NPIPA5: variants seen among roughly 807,000 people sequenced by gnomAD.
The protein encoded by NPIPA5 is nuclear pore complex-interacting protein family member A5.
In NPIPA5, 6 loss-of-function variants were observed where a neutral mutation model predicts 21.4. The observed-to-expected ratio is 0.28, with a 90% CI of 0.15 to 0.55. The LOEUF (loss-of-function observed/expected upper bound fraction) is 0.55. NPIPA5 is among the 20% of genes least tolerant of loss of function. The pLI, the probability that NPIPA5 is intolerant of heterozygous loss-of-function variation, is 0.93. For synonymous variants in NPIPA5, 33 were observed against 115.3 expected, an observed-to-expected ratio of 0.29 and a Z score of 4.57; for missense variants, 99 against 318.2, an observed-to-expected ratio of 0.31 and a Z score of 5.24.
chr16:15,373,907 G>C (rs1598401448), intron 1 of NPIPA5, 64 bp from the exon 2 acceptor site: 2 of 75,518 alleles, frequency 2.6e-5, no homozygotes, highest in East Asian at 7.7e-4. Context: ...CACTCAGAAA[G>C]AATCATCCTT....
Position 15,363,864 on chromosome 16 carries a change from T to C in NPIPA5, c.848A>G (p.Lys283Arg). The C allele has an allele frequency of 6.2e-7, 1 of 1,602,608 alleles. No individual in the cohort carries two copies. The highest frequency in any genetic ancestry group is 1.3e-5 in the African/African-American group (1 of 74,728). ...AGTGAGCAGACACTCGGGAGGTGTC[T>C]TGAGATTATCATCCGCTGAGGGTGG... ...PLPPSADDNL[K>R]TPPECLLTPL... is the part of the protein sequence containing the mutation. Residue 283 changes from lysine (K) to arginine (R), a missense_variant, in exon 8 of 8, where the codon AAG becomes AGG. Lys to Arg is a conservative substitution (Grantham distance 26). Coordinates refer to ENST00000360151, the MANE Select transcript of NPIPA5 (RefSeq NM_001277325.2).
chr16:15,376,180 A>G (rs1024853770), intron 1 of NPIPA5, among the ~76,000 whole-genome samples: 2 of 150,768 alleles, frequency 1.3e-5, no homozygotes, highest in African/African-American at 4.8e-5. Context: ...CTAACCTATG[A>G]TAAGAAAGAG....
At chr16:15,372,627 A>G (rs923673789) in intron 2 of NPIPA5, among the ~76,000 whole-genome samples, 2 of 145,938 alleles carry the variant, frequency 1.4e-5, no homozygotes, top group Non-Finnish European at 3.0e-5. Flanking sequence ...ATATCTTGAA[A>G]GGCAGTGCCA....
At chr16:15,376,996 C>A (rs2050315417) in intron 1 of NPIPA5, among the ~76,000 whole-genome samples, 1 of 151,942 alleles carries the variant, frequency 6.6e-6, no homozygotes, top group South Asian at 2.1e-4. Context: ...ACAAAAAAGT[C>A]ATCAAACCAG....
At chr16:15,372,196 A>C (rs1274301536) in intron 2 of NPIPA5, among the ~76,000 whole-genome samples, 1 of 147,384 alleles carries the variant, frequency 6.8e-6, no homozygotes, top group Non-Finnish European at 1.5e-5. Context: ...AAATTTAAAA[A>C]CTTCCCCTGG....
upstream of NPIPA5, among the ~76,000 whole-genome samples, chr16:15,380,327 ATT>A (rs201469564): frequency 5.0e-5 from 7 of 140,654 alleles, no homozygotes; most frequent in Admixed American, 7.2e-5. Context: ...TTGCAGGATA[ATT>A]TTTTTTTTTT....
chr16:15,375,787 G>A (rs1429102188), intron 1 of NPIPA5, among the ~76,000 whole-genome samples: 2 of 150,838 alleles, frequency 1.3e-5, no homozygotes, highest in Non-Finnish European at 3.0e-5. Context: ...CATGAAAATG[G>A]CATGAATAGT....
upstream of NPIPA5, chr16:15,381,163 G>C: frequency 1.5e-6 from 1 of 660,794 alleles, no homozygotes; most frequent in Non-Finnish European, 2.5e-6. Flanking sequence ...GTGGTCAAGG[G>C]CTTCAGAAAA....
chr16:15,372,009 A>G (rs1470717005), intron 2 of NPIPA5, among the ~76,000 whole-genome samples: 2 of 145,518 alleles, frequency 1.4e-5, no homozygotes, highest in Admixed American at 7.4e-5. Context: ...GAAATGTCAA[A>G]CACATGAAGA....
intron 4 of NPIPA5, among the ~76,000 whole-genome samples, 185 bp from the exon 5 acceptor site, chr16:15,366,945 T>C (rs1285786802): frequency 6.6e-6 from 1 of 152,056 alleles, no homozygotes; most frequent in Non-Finnish European, 1.5e-5. Context: ...AAAATCACAC[T>C]CTGGCCTGCT....
intron 4 of NPIPA5, among the ~76,000 whole-genome samples, chr16:15,369,120 C>G (rs1199166870): frequency 1.3e-5 from 2 of 148,882 alleles, no homozygotes; most frequent in African/African-American, 2.5e-5. Context: ...CCATAGCACT[C>G]CAGCCTGGGC....
At chr16:15,371,935 C>T (rs1253663005) in intron 2 of NPIPA5, among the ~76,000 whole-genome samples, 8 of 144,122 alleles carry the variant, frequency 5.6e-5, no homozygotes, top group African/African-American at 2.0e-4. Context: ...AGAGCAACCA[C>T]GTCTATCCCA....
At chr16:15,379,892 CGA>C (rs1408560026), upstream of NPIPA5, among the ~76,000 whole-genome samples, 2 of 151,230 alleles carry the variant, frequency 1.3e-5, no homozygotes, top group Non-Finnish European at 2.9e-5. Flanking sequence ...TGCAGTGAGC[CGA>C]GATTGTGCCA....
At chr16:15,367,085 T>C (rs2049996116) in intron 4 of NPIPA5, among the ~76,000 whole-genome samples, 1 of 152,126 alleles carries the variant, frequency 6.6e-6, no homozygotes, top group Non-Finnish European at 1.5e-5. Context: ...GTCTTGTGCT[T>C]GACACAGCAA....
At chr16:15,376,964 A>G (rs1346320481) in intron 1 of NPIPA5, among the ~76,000 whole-genome samples, 1 of 152,034 alleles carries the variant, frequency 6.6e-6, no homozygotes, top group African/African-American at 2.4e-5. Context: ...ACAGAGTGAG[A>G]CTCTGTCTAA....
intron 2 of NPIPA5, among the ~76,000 whole-genome samples, chr16:15,370,422 TCACACACACA>T (rs576379543): frequency 2.4e-4 from 28 of 118,452 alleles, no homozygotes; most frequent in African/African-American, 8.1e-4. Context: ...TGAGACTCTG[TCACACACACA>T]CACACACACA....
chr16:15,368,519 C>T (rs1033795694), intron 4 of NPIPA5, among the ~76,000 whole-genome samples: 5 of 151,514 alleles, frequency 3.3e-5, no homozygotes, highest in Non-Finnish European at 5.9e-5. Context: ...GTAATATGAC[C>T]AAAACATGAA....
In NPIPA5 at chr16:15,370,451, A is replaced by C. The variant is rs201050660; in HGVS notation, c.193-332T>G. Among the ~76,000 whole-genome samples, 14 of 116,066 alleles carry C rather than the reference A, an allele frequency of 1.2e-4. 1 individual carries two copies. Among genetic ancestry groups the C allele is most frequent in the Middle Eastern group, 3.8e-3 (1 of 266 alleles). The allele number at this position is 116,066 out of a possible 152,430, so 76.1% of individuals were successfully genotyped here. On this transcript the variant is annotated intron_variant, in intron 2 of 7. Transcript: ENST00000360151. ...ACACACACACACACACACACACACA[A>C]ACACACAAGAATGACATGAGGCTGG...
At chr16:15,372,694 T>A (rs1692973929) in intron 2 of NPIPA5, among the ~76,000 whole-genome samples, 2 of 146,022 alleles carry the variant, frequency 1.4e-5, no homozygotes. Flanking sequence ...TTCCCTTGAA[T>A]ATCAAAAAGC....
Sources: allele counts gnomAD v4.1 joint callset (sites outside exome capture counted in the v4.1 genomes callset), GRCh38; gene constraint gnomAD v4.1.1; transcripts MANE v1.5; gene names NCBI Gene and HGNC (gene_info 2026-07-23, HGNC 2026-07-21).